CACNA2D3: variants seen among roughly 807,000 people sequenced by gnomAD.
The protein encoded by CACNA2D3 is calcium voltage-gated channel auxiliary subunit alpha2delta 3.
CACNA2D3 carries 60 observed loss-of-function variants against 160.6 expected under a neutral mutation model. That is an observed-to-expected ratio of 0.37 (90% CI 0.30 to 0.46). The LOEUF (loss-of-function observed/expected upper bound fraction) is 0.46, where lower values mean the gene tolerates loss of function less well. Among genes scored for constraint, CACNA2D3 ranks in the 20% least tolerant of loss-of-function variants. The pLI, the probability that CACNA2D3 is intolerant of heterozygous loss-of-function variation, is 1.00. For missense variants in CACNA2D3, 1,205 were observed against 1,365.0 expected (o/e 0.88, Z 1.85); for synonymous variants, 558 against 492.9 (o/e 1.13, Z -1.75).
chr3:54,863,142 G>A (rs571767607), intron 17 of CACNA2D3, among the ~76,000 whole-genome samples: 2 of 152,310 alleles, frequency 1.3e-5, no homozygotes, highest in South Asian at 4.1e-4. Context: ...CTTTGGAGAA[G>A]GCATATATCC....
At chr3:54,489,090 G>A (rs1701065750) in intron 4 of CACNA2D3, among the ~76,000 whole-genome samples, 1 of 152,172 alleles carries the variant, frequency 6.6e-6, no homozygotes, top group Non-Finnish European at 1.5e-5. Context: ...GAGCAGTGGG[G>A]AGGTGGTGCT....
chr3:54,733,463 C>G (rs947510743), intron 11 of CACNA2D3, among the ~76,000 whole-genome samples: 1 of 152,128 alleles, frequency 6.6e-6, no homozygotes, highest in Non-Finnish European at 1.5e-5. Flanking sequence ...CAAAGGGGCC[C>G]TAGGATTTTA....
intron 27 of CACNA2D3, among the ~76,000 whole-genome samples, chr3:54,954,833 A>C (rs1282844488): frequency 1.3e-5 from 2 of 152,214 alleles, no homozygotes; most frequent in Non-Finnish European, 2.9e-5. Flanking sequence ...GGGTGCCAGG[A>C]ATCTTCAGAA....
intron 4 of CACNA2D3, among the ~76,000 whole-genome samples, chr3:54,479,492 A>T (rs1227887333): frequency 3.3e-5 from 5 of 152,214 alleles, no homozygotes; most frequent in Admixed American, 3.3e-4. Context: ...AACCGTAATT[A>T]TAGGCCTTTC....
At chr3:54,138,841 T>TGTTTTC (rs1458024086) in intron 2 of CACNA2D3, among the ~76,000 whole-genome samples, 6 of 152,356 alleles carry the variant, frequency 3.9e-5, no homozygotes, top group South Asian at 2.1e-4. Flanking sequence ...TGTTTGTTTT[T>TGTTTTC]TGTTTTCTGA....
At chr3:54,296,576 T>C (rs750591006) in intron 2 of CACNA2D3, among the ~76,000 whole-genome samples, 2 of 152,232 alleles carry the variant, frequency 1.3e-5, no homozygotes, top group Non-Finnish European at 2.9e-5. Flanking sequence ...TGTTTTCCAA[T>C]TGCTCACATT....
chr3:54,178,076 A>G (rs1288307740), intron 2 of CACNA2D3, among the ~76,000 whole-genome samples: 1 of 152,186 alleles, frequency 6.6e-6, no homozygotes, highest in Non-Finnish European at 1.5e-5. Flanking sequence ...CTAGCAGAAG[A>G]CAAGGTAAAA....
intron 2 of CACNA2D3, among the ~76,000 whole-genome samples, chr3:54,171,062 CT>C (rs1339508709): frequency 6.9e-6 from 1 of 144,114 alleles, no homozygotes. Flanking sequence ...ACATCTGGAA[CT>C]TTGAGGATTC....
chr3:54,510,323 A>T (rs567017529), intron 5 of CACNA2D3, among the ~76,000 whole-genome samples: 27 of 152,224 alleles, frequency 1.8e-4, no homozygotes, highest in African/African-American at 6.3e-4. Flanking sequence ...CTCTGTAGTG[A>T]GGACTTTCAG....
chr3:54,933,621 T>G (rs1479305085), intron 27 of CACNA2D3, among the ~76,000 whole-genome samples: 1 of 152,232 alleles, frequency 6.6e-6, no homozygotes, highest in African/African-American at 2.4e-5. Context: ...CCACATTTTA[T>G]TGCATTATCT....
chr3:54,466,629 G>A (rs1004557052), intron 4 of CACNA2D3, among the ~76,000 whole-genome samples: 24 of 152,130 alleles, frequency 1.6e-4, no homozygotes, highest in African/African-American at 5.3e-4. Flanking sequence ...TTTTAAAAAA[G>A]AAAAATGGAC....
At chr3:54,801,648 A>G (rs1702990132) in intron 13 of CACNA2D3, among the ~76,000 whole-genome samples, 1 of 152,184 alleles carries the variant, frequency 6.6e-6, no homozygotes, top group South Asian at 2.1e-4. Flanking sequence ...GGAGCTTTAA[A>G]TGTCTTTTTT....
chr3:55,008,886 T>TACACACACACACAC (rs1491125549), intron 33 of CACNA2D3, among the ~76,000 whole-genome samples: 537 of 53,322 alleles, frequency 0.01, no homozygotes, highest in Non-Finnish European at 0.015. Flanking sequence ...CACCTCCCTC[T>TACACACACACACAC]ATACACACAC....
intron 20 of CACNA2D3, 117 bp downstream of exon 20, chr3:54,879,528 G>T (rs571370837): frequency 1.3e-4 from 94 of 749,574 alleles, no homozygotes; most frequent in Middle Eastern, 4.8e-4. Flanking sequence ...CTGCCAAAAG[G>T]CTGGAAAGAG....
chr3:54,413,255 G>A (rs532639506), intron 4 of CACNA2D3, among the ~76,000 whole-genome samples: 21 of 150,992 alleles, frequency 1.4e-4, no homozygotes, highest in African/African-American at 4.6e-4. Flanking sequence ...TGATATATCC[G>A]CCAACATTTG....
At chr3:55,013,706 A>T (rs1042908365) in intron 34 of CACNA2D3, among the ~76,000 whole-genome samples, 1 of 152,090 alleles carries the variant, frequency 6.6e-6, no homozygotes, top group Non-Finnish European at 1.5e-5. Context: ...TTTCTGCTTG[A>T]TTATCACAAA....
chr3:54,779,105 C>CT (rs71294745), intron 13 of CACNA2D3, among the ~76,000 whole-genome samples: 6,139 of 148,686 alleles, frequency 0.041, 146 homozygotes, highest in Middle Eastern at 0.13. Context: ...AACAGAAGGG[C>CT]TTTTTTTTTT....
At chr3:54,538,852 C>G (rs1701927816) in intron 5 of CACNA2D3, among the ~76,000 whole-genome samples, 1 of 152,136 alleles carries the variant, frequency 6.6e-6, no homozygotes, top group African/African-American at 2.4e-5. Context: ...ATGAATTTGT[C>G]TTAGTTTTGA....
In CACNA2D3 at chr3:54,727,529, T is replaced by G. The variant is rs561281112; in HGVS notation, c.1168-25070T>G. ...ACCCAAATGTCTATCAATAATAGACTGGATAAAGAAAATGTGGCACATATA... is the reference window on the plus strand; with the variant it reads ...ACCCAAATGTCTATCAATAATAGACGGGATAAAGAAAATGTGGCACATATA... On this transcript the variant is annotated intron_variant, in intron 11 of 37. Transcript: ENST00000474759. Among the ~76,000 whole-genome samples, 3 of 152,326 alleles carry G rather than the reference T, an allele frequency of 2.0e-5. No individual in the cohort carries two copies. The South Asian group carries it at 6.2e-4, about 32-fold the overall frequency.
Sources: allele counts gnomAD v4.1 joint callset (sites outside exome capture counted in the v4.1 genomes callset), GRCh38; gene constraint gnomAD v4.1.1; transcripts MANE v1.5; gene names NCBI Gene and HGNC (gene_info 2026-07-23, HGNC 2026-07-21).